The following DPP6 variants were observed in gnomAD, a reference collection of about 807,000 sequenced individuals.
DPP6 encodes the protein dipeptidyl peptidase like 6.
Under a neutral mutation model 122.6 loss-of-function variants are expected in DPP6, and 69 were observed. That is an observed-to-expected ratio of 0.56 (90% CI 0.46 to 0.69). The LOEUF is 0.69. DPP6 is among the 30% of genes least tolerant of loss of function. The pLI, the probability that DPP6 is intolerant of heterozygous loss-of-function variation, is 0.00. For synonymous variants in DPP6, 418 were observed against 433.1 expected, an observed-to-expected ratio of 0.97 and a Z score of 0.43; for missense variants, 928 against 1,116.9, an observed-to-expected ratio of 0.83 and a Z score of 2.41.
At chr7:154,045,744 T>G (rs1413207926) in intron 1 of DPP6, among the ~76,000 whole-genome samples, 2 of 152,254 alleles carry the variant, frequency 1.3e-5, no homozygotes, top group Admixed American at 6.5e-5. Context: ...ACGGCATCTA[T>G]TCACAAAAGT....
At chr7:154,828,110 G>A (rs1800325190) in intron 16 of DPP6, among the ~76,000 whole-genome samples, 1 of 152,128 alleles carries the variant, frequency 6.6e-6, no homozygotes, top group African/African-American at 2.4e-5. Context: ...AGATTAGCCT[G>A]TAGGAGTGCG....
At chr7:154,107,579 C>T (rs1479417426) in intron 1 of DPP6, among the ~76,000 whole-genome samples, 1 of 152,196 alleles carries the variant, frequency 6.6e-6, no homozygotes, top group African/African-American at 2.4e-5. Context: ...TTGTACCACA[C>T]ACCCACAAAC....
At chr7:154,127,622 CACACACACACAG>C (rs1243851009) in intron 1 of DPP6, among the ~76,000 whole-genome samples, 1 of 121,144 alleles carries the variant, frequency 8.3e-6, no homozygotes, top group Non-Finnish European at 1.6e-5. Flanking sequence ...CACACACACA[CACACACACACAG>C]ACACACACAC....
chr7:154,790,187 G>C (rs1797585157), intron 10 of DPP6, among the ~76,000 whole-genome samples: 1 of 152,184 alleles, frequency 6.6e-6, no homozygotes, highest in African/African-American at 2.4e-5. Flanking sequence ...AACAGAGCGA[G>C]ACTCCGTCTA....
intron 1 of DPP6, among the ~76,000 whole-genome samples, chr7:154,082,851 T>C (rs1310674725): frequency 4.2e-5 from 6 of 141,830 alleles, no homozygotes; most frequent in East Asian, 2.0e-4. Context: ...TTTTTCTTTT[T>C]TTTTTTTTTT....
intron 1 of DPP6, among the ~76,000 whole-genome samples, chr7:154,328,819 T>C (rs537011113): frequency 6.6e-6 from 1 of 152,272 alleles, no homozygotes; most frequent in African/African-American, 2.4e-5. Context: ...GGTCACACTT[T>C]GACAGACACA....
intron 1 of DPP6, among the ~76,000 whole-genome samples, chr7:154,325,197 G>C (rs1808339275): frequency 6.6e-6 from 1 of 152,088 alleles, no homozygotes; most frequent in African/African-American, 2.4e-5. Context: ...GGAAATGAAA[G>C]CTTAGTGAGA....
rs187535243 is a variant in DPP6 at position 153,923,487 on chromosome 7, C to T, written c.51+35753C>T. ...AGAAGGTTCCTTCATCTTGGCCCGG[C>T]GTGGTGGCTCATGCCTGTAGTCCCA... On this transcript the variant is annotated intron_variant, in intron 1 of 25. Coordinates refer to the DPP6 transcript ENST00000404039. 8.5e-5 allele frequency among the ~76,000 whole-genome samples: 13 copies of T among 152,144 alleles called. No individual in the cohort carries two copies. The East Asian group carries it at 1.6e-3, about 18-fold the overall frequency.
intron 10 of DPP6, among the ~76,000 whole-genome samples, chr7:154,789,678 G>A (rs913965624): frequency 2.0e-5 from 3 of 152,252 alleles, no homozygotes; most frequent in Admixed American, 6.5e-5. Context: ...TCGATGTGGT[G>A]TATGGTGTGC....
the DPP6 span, among the ~76,000 whole-genome samples, chr7:153,765,253 C>T: frequency 9.9e-5 from 15 of 152,140 alleles, no homozygotes; most frequent in South Asian, 8.3e-4. Context: ...TTTTGGTGCC[C>T]GGGCCGGGTG....
Position 154,876,006 on chromosome 7 carries a change from G to A in DPP6, c.1984G>A (p.Gly662Ser), listed in dbSNP as rs746697746. The change falls in exon 20 of 26, where the codon GGC (glycine) becomes AGC (serine). Residue 662 changes from glycine (G) to serine (S), a missense_variant. Transcript: ENST00000377770. The stretch of plus-strand genomic sequence containing the variant: ...CGGCGCGGTGGTGGTAAAGTGTGAC[G>A]GCCGTGGCAGCGGCTTCCAAGGGAC... ...SHGAVVVKCD[G>S]RGSGFQGTKL... is the part of the protein sequence containing the mutation. 13 of 1,613,164 alleles carry A rather than the reference G, an allele frequency of 8.1e-6. No homozygotes were observed. The highest frequency in any genetic ancestry group is 4.5e-5 in the East Asian group (2 of 44,836).
intron 1 of DPP6, among the ~76,000 whole-genome samples, chr7:154,414,517 C>A (rs543146871): frequency 1.3e-5 from 2 of 152,286 alleles, no homozygotes; most frequent in African/African-American, 4.8e-5. Context: ...CTTATCACTT[C>A]TTTTTATCAT....
At chr7:154,366,833 C>G (rs1432778119) in intron 1 of DPP6, among the ~76,000 whole-genome samples, 1 of 152,174 alleles carries the variant, frequency 6.6e-6, no homozygotes, top group East Asian at 1.9e-4. Context: ...TTGCCCAAGT[C>G]CCAATACAAT....
chr7:154,196,376 G>T lies in DPP6; in HGVS notation c.243+143313G>T, dbSNP rs185703112. On this transcript the variant is annotated intron_variant, in intron 1 of 25. Coordinates refer to ENST00000377770, the MANE Select transcript of DPP6 (RefSeq NM_130797.4). ...ACGTTGGTTCACACCTGTAATCCAA[G>T]CTATTCAGGAGGCTGCAGCAGAAGA... Among the ~76,000 whole-genome samples the T allele has an allele frequency of 3.3e-4, 51 of 152,306 alleles. 1 individual carries two copies. The East Asian group carries it at 8.9e-3, about 27-fold the overall frequency.
At chr7:154,749,569 T>G (rs112204974) in intron 8 of DPP6, among the ~76,000 whole-genome samples, 931 of 14,680 alleles carry the variant, frequency 0.063, no homozygotes, top group African/African-American at 0.078. Context: ...TACTGAGAGA[T>G]GGTCAGGGAG....
At chr7:154,192,288 A>G (rs1368882229) in intron 1 of DPP6, among the ~76,000 whole-genome samples, 1 of 152,242 alleles carries the variant, frequency 6.6e-6, no homozygotes, top group Non-Finnish European at 1.5e-5. Flanking sequence ...ATGAAAATAC[A>G]TATTTTCTAC....
At position 154,603,076 on chromosome 7, in the gene DPP6, T is replaced by A. The variant is rs1434504078; in HGVS notation, c.628-34745T>A. Among the ~76,000 whole-genome samples the A allele has an allele frequency of 1.7e-5, 2 of 120,500 alleles. 1 individual carries two copies. The highest frequency in any genetic ancestry group is 3.7e-5 in the Non-Finnish European group (2 of 53,618). The allele number at this position is 120,500 out of a possible 152,430, so 79.1% of individuals were successfully genotyped here. Reference sequence around the variant, plus strand: ...TATCATTCCTTGTCTTCTGGCTAGCTTAGTTTCTGAGGGGAACTCTATTAC... The same window carrying A: ...TATCATTCCTTGTCTTCTGGCTAGCATAGTTTCTGAGGGGAACTCTATTAC... On this transcript the variant is annotated intron_variant, in intron 5 of 25. Transcript: ENST00000377770.
At chr7:154,574,378 ATGTGGTGTGTGTATGTG>A (rs1385436472) in intron 5 of DPP6, among the ~76,000 whole-genome samples, 1,271 of 90,688 alleles carry the variant, frequency 0.014, 16 homozygotes, top group African/African-American at 0.048. Context: ...ATGTGTGTGT[ATGTGGTGTGTGTATGTG>A]TGTGGTGTGT....
intron 1 of DPP6, among the ~76,000 whole-genome samples, chr7:153,976,569 C>T (rs530618351): frequency 2.0e-5 from 3 of 152,166 alleles, no homozygotes; most frequent in Admixed American, 6.5e-5. Flanking sequence ...GTAAGAACTG[C>T]AACTTCTATT....
Sources: gnomAD v4.1 joint callset for allele counts (sites outside exome capture counted in the v4.1 genomes callset) on GRCh38, gnomAD v4.1.1 for gene constraint, MANE v1.5 for transcripts, NCBI Gene and HGNC (gene_info 2026-07-23, HGNC 2026-07-21) for gene names.